CNTNAP5: variants seen among roughly 807,000 people sequenced by gnomAD.
CNTNAP5 encodes the protein contactin-associated protein-like 5.
Under a neutral mutation model 150.2 loss-of-function variants are expected in CNTNAP5, and 72 were observed. That is an observed-to-expected ratio of 0.48 (90% CI 0.40 to 0.58). The LOEUF is 0.58. Among genes scored for constraint, CNTNAP5 ranks in the 20% least tolerant of loss-of-function variants. The pLI is 0.00. For synonymous variants in CNTNAP5, 672 were observed against 619.8 expected, an observed-to-expected ratio of 1.08 and a Z score of -1.25; for missense variants, 1,636 against 1,626.2, an observed-to-expected ratio of 1.01 and a Z score of -0.10.
At chr2:124,297,873 C>T (rs1169051501) in intron 3 of CNTNAP5, among the ~76,000 whole-genome samples, 5 of 149,882 alleles carry the variant, frequency 3.3e-5, no homozygotes, top group African/African-American at 9.8e-5. Context: ...GAAATGGAGT[C>T]TCACTCTGTT....
intron 4 of CNTNAP5, among the ~76,000 whole-genome samples, chr2:124,430,767 C>A (rs959505617): frequency 1.3e-5 from 2 of 152,142 alleles, no homozygotes; most frequent in African/African-American, 2.4e-5. Flanking sequence ...GACATGAGTG[C>A]ACGCCTACTC....
chr2:124,775,224 A>G (rs1681294789), intron 17 of CNTNAP5, among the ~76,000 whole-genome samples: 1 of 152,196 alleles, frequency 6.6e-6, no homozygotes, highest in Admixed American at 6.5e-5. Context: ...AAGTCTCAAC[A>G]TTTCCATCTT....
intron 1 of CNTNAP5, among the ~76,000 whole-genome samples, chr2:124,145,553 C>G (rs1573788717): frequency 2.4e-5 from 1 of 41,060 alleles, no homozygotes; most frequent in African/African-American, 9.9e-5. Context: ...AACAAAAAAC[C>G]AAACACCGCA....
intron 13 of CNTNAP5, among the ~76,000 whole-genome samples, chr2:124,670,230 TTTCTTTC>T (rs1553429614): frequency 2.9e-5 from 4 of 137,670 alleles, no homozygotes; most frequent in African/African-American, 8.7e-5. Flanking sequence ...TCTTTCTTTC[TTTCTTTC>T]TTTTCTTTCT....
Position 124,911,459 on chromosome 2 carries a change from C to A in CNTNAP5, c.3656-8C>A, listed in dbSNP as rs1427542359. The A allele has an allele frequency of 1.9e-6, 3 of 1,585,510 alleles. No individual in the cohort carries two copies. Among genetic ancestry groups the A allele is most frequent in the Middle Eastern group, 1.7e-4 (1 of 6,024 alleles). ...GAAGTAAAGTCCCATGTCTTTTACT[C>A]CTTTCAGATCCTTTTGGGAAGACAG... On this transcript the variant is annotated splice_region_variant and splice_polypyrimidine_tract_variant and intron_variant, in intron 22 of 23. Transcript: ENST00000682447.
intron 13 of CNTNAP5, among the ~76,000 whole-genome samples, chr2:124,710,710 T>C (rs1377650121): frequency 1.3e-5 from 2 of 152,164 alleles, no homozygotes; most frequent in East Asian, 3.9e-4. Flanking sequence ...GACTGACTCC[T>C]CCCTTCAAAA....
intron 10 of CNTNAP5, among the ~76,000 whole-genome samples, chr2:124,548,400 G>T (rs898269720): frequency 6.6e-6 from 1 of 152,178 alleles, no homozygotes; most frequent in Admixed American, 6.5e-5. Flanking sequence ...ATGCAGATCA[G>T]AACTGAAGTG....
At chr2:124,559,502 C>T (rs1695836513) in intron 10 of CNTNAP5, among the ~76,000 whole-genome samples, 1 of 152,200 alleles carries the variant, frequency 6.6e-6, no homozygotes, top group Non-Finnish European at 1.5e-5. Flanking sequence ...AGGTCACATC[C>T]ATCCAGATGC....
chr2:124,235,603 A>T (rs528208900), intron 2 of CNTNAP5, among the ~76,000 whole-genome samples: 1 of 152,248 alleles, frequency 6.6e-6, no homozygotes, highest in African/African-American at 2.4e-5. Flanking sequence ...TGTCCCATAG[A>T]TGGGCTTTCC....
chr2:124,672,763 T>C (rs1338498672), intron 13 of CNTNAP5, among the ~76,000 whole-genome samples: 1 of 152,202 alleles, frequency 6.6e-6, no homozygotes, highest in African/African-American at 2.4e-5. Context: ...AATAAGTTGG[T>C]GTACATGTTA....
intron 10 of CNTNAP5, among the ~76,000 whole-genome samples, chr2:124,541,908 A>C (rs1039139061): frequency 3.3e-5 from 5 of 152,150 alleles, no homozygotes; most frequent in Admixed American, 1.3e-4. Context: ...CAACCACTGC[A>C]TTCTCCATGT....
chr2:124,802,610 A>G (rs1414067162), intron 19 of CNTNAP5, among the ~76,000 whole-genome samples: 2 of 152,180 alleles, frequency 1.3e-5, no homozygotes, highest in Non-Finnish European at 2.9e-5. Context: ...GGTCTTGAAG[A>G]CAGGAAAAGG....
chr2:124,783,679 G>C (rs2104623427), intron 17 of CNTNAP5, among the ~76,000 whole-genome samples: 1 of 152,166 alleles, frequency 6.6e-6, no homozygotes, highest in African/African-American at 2.4e-5. Flanking sequence ...TTTGGCATTT[G>C]GTTTGAGGTG....
At chr2:124,094,878 A>C (rs901108571) in intron 1 of CNTNAP5, among the ~76,000 whole-genome samples, 2 of 152,132 alleles carry the variant, frequency 1.3e-5, no homozygotes, top group Non-Finnish European at 2.9e-5. Context: ...GTGTGAGACT[A>C]TGGAACAGTA....
At chr2:124,713,670 T>C (rs1012042051) in intron 13 of CNTNAP5, among the ~76,000 whole-genome samples, 1 of 151,832 alleles carries the variant, frequency 6.6e-6, no homozygotes, top group Non-Finnish European at 1.5e-5. Context: ...GCCACCACGC[T>C]GGGCCATAAC....
chr2:124,503,930 T>A lies in CNTNAP5; in HGVS notation c.1063-362T>A, dbSNP rs1215132026. Reference sequence around the variant, plus strand: ...TCCCGCTGGAGCTAGTATCTATCCCTTTTTTAGCACGTTCCACATTGTGAG... The same window carrying A: ...TCCCGCTGGAGCTAGTATCTATCCCATTTTTAGCACGTTCCACATTGTGAG... On this transcript the variant is annotated intron_variant, in intron 7 of 23. Transcript: ENST00000682447. Among the ~76,000 whole-genome samples the A allele has an allele frequency of 2.6e-5, 4 of 152,208 alleles. No homozygotes were observed. In the East Asian group the frequency reaches 7.7e-4, roughly 29 times the overall value.
At chr2:124,118,500 G>C (rs1318831043) in intron 1 of CNTNAP5, among the ~76,000 whole-genome samples, 3 of 152,212 alleles carry the variant, frequency 2.0e-5, no homozygotes, top group Non-Finnish European at 2.9e-5. Context: ...ATGACAGTAA[G>C]CTAGTTCACT....
intron 3 of CNTNAP5, among the ~76,000 whole-genome samples, chr2:124,382,420 G>A (rs1271770658): frequency 6.6e-6 from 1 of 152,128 alleles, no homozygotes; most frequent in African/African-American, 2.4e-5. Flanking sequence ...ATCTTGGAGA[G>A]TGGGAGAGTG....
intron 6 of CNTNAP5, among the ~76,000 whole-genome samples, chr2:124,450,026 G>A (rs1692926110): frequency 6.6e-6 from 1 of 151,614 alleles, no homozygotes; most frequent in African/African-American, 2.4e-5. Flanking sequence ...TGGAAGGAAT[G>A]GAGCTAAACA....
Sources: gnomAD v4.1 joint callset for allele counts (sites outside exome capture counted in the v4.1 genomes callset) on GRCh38, gnomAD v4.1.1 for gene constraint, MANE v1.5 for transcripts, NCBI Gene and HGNC (gene_info 2026-07-23, HGNC 2026-07-21) for gene names.